Variants in CORO7 observed in about 807,000 individuals in gnomAD.
The protein encoded by CORO7 is coronin-7.
Under a neutral mutation model 126.6 loss-of-function variants are expected in CORO7, and 107 were observed. That is an observed-to-expected ratio of 0.85 (90% CI 0.72 to 0.99). The LOEUF is 0.99. Ranked by LOEUF, CORO7 falls within the 50% of genes least tolerant of loss-of-function variation. The probability of loss-of-function intolerance (pLI) is 0.00; values close to 1 mark genes in which losing one functional copy is unlikely to be tolerated. For missense variants in CORO7, 1,314 were observed against 1,255.8 expected (o/e 1.05, Z -0.70); for synonymous variants, 603 against 536.8 (o/e 1.12, Z -1.70).
intron 9 of CORO7, among the ~76,000 whole-genome samples, chr16:4,386,332 G>C (rs576578251): frequency 4.6e-5 from 7 of 152,346 alleles, no homozygotes; most frequent in Admixed American, 2.0e-4. Context: ...ACTGGGGCCG[G>C]GCAGGAGACG....
chr16:4,362,497 G>A lies in CORO7; in HGVS notation c.1402+115C>T, dbSNP rs1403051975. The A allele has an allele frequency of 2.8e-6, 4 of 1,436,188 alleles. No individual in the cohort carries two copies. Among genetic ancestry groups the A allele is most frequent in the Admixed American group, 5.3e-5 (2 of 38,088 alleles). The allele number at this position is 1,436,188 out of a possible 1,614,324, so 89.0% of individuals were successfully genotyped here. On this transcript the variant is annotated intron_variant, in intron 15 of 27. Coordinates refer to ENST00000251166, the MANE Select transcript of CORO7 (RefSeq NM_024535.5). The surrounding 1 kb of genome is among the most constrained non-coding windows in gnomAD (Gnocchi z 5.3). ...TGACCCTGCCAGTGAGTCTGGGTGA[G>A]GGGGGTGCCCTGCATGAGGCCTGTG... is the stretch of plus-strand genomic sequence containing the variant.
chr16:4,381,078 C>T, intron 9 of CORO7: 1 of 1,609,420 alleles, frequency 6.2e-7, no homozygotes, highest in Non-Finnish European at 8.5e-7. Context: ...TCACCATGCT[C>T]GACGCAGGCA....
intron 9 of CORO7, among the ~76,000 whole-genome samples, chr16:4,384,908 G>A (rs1057095679): frequency 1.3e-5 from 2 of 152,276 alleles, no homozygotes; most frequent in Admixed American, 6.5e-5. Context: ...TGAACACGGC[G>A]GCTGCTGAAG....
At chr16:4,391,080 C>T (rs181436205) in intron 7 of CORO7, among the ~76,000 whole-genome samples, 2 of 152,102 alleles carry the variant, frequency 1.3e-5, no homozygotes, top group East Asian at 3.9e-4. Flanking sequence ...GGTCAGTGGC[C>T]CACCCCTTAC....
chr16:4,416,596 TC>T (rs1008582740), upstream of CORO7: 9 of 1,527,086 alleles, frequency 5.9e-6, no homozygotes, highest in African/African-American at 1.2e-4. Context: ...CAACCGCGAC[TC>T]CCGCTGCCTC....
chr16:4,382,256 C>T, intron 9 of CORO7: 2 of 1,608,220 alleles, frequency 1.2e-6, no homozygotes, highest in Non-Finnish European at 1.7e-6. Flanking sequence ...ACGCCGAGGC[C>T]ACCACGGTCC....
chr16:4,388,147 C>G, intron 8 of CORO7, 79 bp from the exon 9 acceptor site: 1 of 1,537,612 alleles, frequency 6.5e-7, no homozygotes, highest in Non-Finnish European at 8.8e-7. Context: ...AAACCAGCGC[C>G]TGAGGGTGCA....
At chr16:4,365,784 G>A (rs183906060) in intron 9 of CORO7, among the ~76,000 whole-genome samples, 1 of 152,196 alleles carries the variant, frequency 6.6e-6, no homozygotes, top group Admixed American at 6.5e-5. Context: ...CGTCACTCCA[G>A]GACTGGAGTG....
At chr16:4,400,715 G>C (rs2141298028) in intron 6 of CORO7, among the ~76,000 whole-genome samples, 1 of 151,944 alleles carries the variant, frequency 6.6e-6, no homozygotes, top group East Asian at 1.9e-4. Flanking sequence ...AACTACACAG[G>C]AGGCTGAGGC....
At position 4,381,854 on chromosome 16, in the gene CORO7, C is replaced by T. The variant is rs772753093; in HGVS notation, c.785+6132G>A. The T allele has an allele frequency of 1.6e-5, 25 of 1,602,182 alleles. No individual in the cohort carries two copies. Among genetic ancestry groups the T allele is most frequent in the African/African-American group, 9.3e-5 (7 of 74,914 alleles). ...GTCACACTGGCCAGCCCTGAGGAGACGCGCTGCCACTTCCCGCCCAAGAAC... is the reference window on the plus strand; with the variant it reads ...GTCACACTGGCCAGCCCTGAGGAGATGCGCTGCCACTTCCCGCCCAAGAAC... On this transcript the variant is annotated intron_variant, in intron 9 of 27. Transcript: ENST00000251166.
At chr16:4,360,835 T>G (rs1422331773) in intron 19 of CORO7, 108 bp downstream of exon 19, 3 of 1,449,818 alleles carry the variant, frequency 2.1e-6, no homozygotes, top group Non-Finnish European at 2.7e-6. Context: ...CTGCTGGTCC[T>G]GCCTCTCCTC....
chr16:4,382,104 C>T (rs1176957514), intron 9 of CORO7: 1 of 1,584,592 alleles, frequency 6.3e-7, no homozygotes, highest in Non-Finnish European at 8.6e-7. Context: ...CCCAGGACTG[C>T]CCACCGTCCA....
In CORO7 at chr16:4,382,762, G is replaced by A. The variant is rs926450622; in HGVS notation, c.785+5224C>T. ...GCCCCTGGAACTGGAGGGAGTGAAG[G>A]TCCCCTTGGAGCCAGGCCCGAAGGC... On this transcript the variant is annotated intron_variant, in intron 9 of 27. Transcript: ENST00000251166. 29 of 1,563,996 alleles carry A rather than the reference G, an allele frequency of 1.9e-5. 1 individual carries two copies. In the Admixed American group the frequency reaches 5.1e-4, roughly 28 times the overall value.
Position 4,363,690 on chromosome 16 carries a change from C to T in CORO7, c.1275+586G>A, listed in dbSNP as rs57501630. Reference sequence around the variant, plus strand: ...TCGCACCATTGCACTCCAGCCTAGACGACAGGGCGAGACTCATCTCAAAAA... The same window carrying T: ...TCGCACCATTGCACTCCAGCCTAGATGACAGGGCGAGACTCATCTCAAAAA... On this transcript the variant is annotated intron_variant, in intron 14 of 27. Transcript: ENST00000251166. Among the ~76,000 whole-genome samples the T allele has an allele frequency of 5.3e-5, 8 of 151,108 alleles. No homozygotes were observed. In the South Asian group the frequency reaches 8.4e-4, roughly 16 times the overall value.
chr16:4,369,349 C>T (rs998197845), intron 9 of CORO7, among the ~76,000 whole-genome samples: 6 of 152,244 alleles, frequency 3.9e-5, no homozygotes, highest in African/African-American at 1.4e-4. Context: ...GGGTCTGGAA[C>T]ATGGTACATG....
intron 26 of CORO7, chr16:4,355,735 C>G (rs2141168202): frequency 4.4e-6 from 1 of 227,886 alleles, no homozygotes; most frequent in African/African-American, 2.2e-5. Context: ...TCCCACGGTG[C>G]TGGGATTACA....
Position 4,361,205 on chromosome 16 carries a change from C to G in CORO7, c.1731G>C (p.Glu577Asp), listed in dbSNP as rs199527019. 4.5e-5 allele frequency: 72 copies of G among 1,611,972 alleles called. 1 individual carries two copies. The East Asian group carries it at 1.0e-3, about 23-fold the overall frequency. ...GCGTGGTGAGCACCTCTTCCAGGCC[C>G]TCTGCGGGTACCCGCCACAGTCGGA... ...ARIRLWRVPA[E>D]GLEEVLTTPE... is the part of the protein sequence containing the mutation. The change falls in exon 18 of 28, where the codon GAG (glutamate) becomes GAC (aspartate). Residue 577 changes from glutamate to aspartate, a missense_variant. Coordinates refer to ENST00000251166, the MANE Select transcript of CORO7 (RefSeq NM_024535.5).
rs557810722 is a variant in CORO7, at chr16:4,368,685, T to C, written c.786-3140A>G. Among the ~76,000 whole-genome samples, 42 of 148,214 alleles carry C rather than the reference T, an allele frequency of 2.8e-4. 1 individual carries two copies. The East Asian group carries it at 8.2e-3, about 29-fold the overall frequency. ...ATCACTTGAACCCGGGAGGCGGAGG[T>C]TGCAGTGGGCCAAGATTGCACCACT... On this transcript the variant is annotated intron_variant, in intron 9 of 27. Transcript: ENST00000251166.
chr16:4,415,908 C>A, intron 1 of CORO7: 2 of 985,748 alleles, frequency 2.0e-6, no homozygotes, highest in Non-Finnish European at 2.4e-6. Flanking sequence ...AAAGAGCTTG[C>A]GCCAGCGGCG....
Sources: gnomAD v4.1 joint callset for allele counts (sites outside exome capture counted in the v4.1 genomes callset) on GRCh38, gnomAD v4.1.1 for gene constraint, Gnocchi (gnomAD v3.1) non-coding constraint, MANE v1.5 for transcripts, NCBI Gene and HGNC (gene_info 2026-07-23, HGNC 2026-07-21) for gene names.